CORIN: variants seen among roughly 807,000 people sequenced by gnomAD.
CORIN encodes atrial natriuretic peptide-converting enzyme.
A neutral mutation model predicts 125.3 loss-of-function variants in CORIN; 117 were observed. The ratio of observed to expected loss-of-function variants is 0.93; its 90% CI spans 0.80 to 1.09. The LOEUF is 1.09. Among genes scored for constraint, CORIN ranks in the 50% least tolerant of loss-of-function variants. The pLI is 0.00. For missense variants in CORIN, 1,253 were observed against 1,306.7 expected, an observed-to-expected ratio of 0.96 and a Z score of 0.63; for synonymous variants, 450 against 466.4, an observed-to-expected ratio of 0.96 and a Z score of 0.45.
chr4:47,607,277 G>T (rs752846193), intron 19 of CORIN, among the ~76,000 whole-genome samples: 2 of 151,978 alleles, frequency 1.3e-5, no homozygotes, highest in African/African-American at 2.4e-5. Context: ...GCATGGTGGC[G>T]GGTGCCTGTA....
intron 16 of CORIN, among the ~76,000 whole-genome samples, chr4:47,637,516 C>T (rs1477890204): frequency 6.6e-6 from 1 of 152,192 alleles, no homozygotes; most frequent in African/African-American, 2.4e-5. Context: ...TGTGTGCAGC[C>T]TAGGGACTTG....
rs747322027 is a variant in CORIN at position 47,600,200 on chromosome 4, A to G, written c.2946+14T>C. The G allele has an allele frequency of 3.1e-6, 5 of 1,600,824 alleles. No homozygotes were observed. Among genetic ancestry groups the G allele is most frequent in the Non-Finnish European group, 4.3e-6 (5 of 1,172,026 alleles). On this transcript the variant is annotated intron_variant, in intron 21 of 21. Transcript: ENST00000273857. ...GTTGAACTGAATCTCCTTGGTAACC[A>G]GAAAGCAACTTACCATGCATGAATC...
rs77004224 is a variant in CORIN at position 47,650,447 on chromosome 4, C to T, written c.1843+3106G>A. ...AGTTGCTGCTTGCTTGCATCACAGC[C>T]CAGGTACCACCTGCTCTTGTAGCTG... On this transcript the variant is annotated intron_variant, in intron 13 of 21. Transcript: ENST00000273857. 7.9e-3 allele frequency among the ~76,000 whole-genome samples: 1,198 copies of T among 152,264 alleles called. 10 individuals carry two copies. The highest frequency in any genetic ancestry group is 0.011 in the Non-Finnish European group (716 of 68,028).
intron 7 of CORIN, 187 bp from the exon 8 acceptor site, chr4:47,680,438 C>T (rs1025499919): frequency 1.8e-6 from 1 of 540,876 alleles, no homozygotes; most frequent in African/African-American, 1.9e-5. Flanking sequence ...CACTGACCAC[C>T]ATCACTGTGG....
chr4:47,600,379 G>A, intron 20 of CORIN, 32 bp from the exon 21 acceptor site: 8 of 1,532,668 alleles, frequency 5.2e-6, no homozygotes, highest in Non-Finnish European at 7.1e-6. Flanking sequence ...ATATATATAT[G>A]ATGATAAAAT....
chr4:47,599,199 C>T (rs968768109), intron 21 of CORIN, among the ~76,000 whole-genome samples: 2 of 152,122 alleles, frequency 1.3e-5, no homozygotes. Flanking sequence ...CCACCATCCA[C>T]GTCAGCAGGA....
intron 4 of CORIN, among the ~76,000 whole-genome samples, chr4:47,752,671 T>G (rs1280014032): frequency 2.0e-5 from 3 of 152,190 alleles, no homozygotes; most frequent in African/African-American, 4.8e-5. Context: ...GTGTCCCTCT[T>G]AAAATACAGA....
At position 47,641,981 on chromosome 4, in the gene CORIN, C is replaced by G; in HGVS notation, c.2137G>C (p.Val713Leu). ...ATCTCCTGCCAGCCATCTGCACACA[C>G]ATGGTGTTCTGTGGCAGCTCTGTGA... Reference protein sequence around the residue: ...MVHRAATEHHVCADGWQEILS... With the variant: ...MVHRAATEHHLCADGWQEILS... The change falls in exon 16 of 22, where the codon GTG (valine) becomes CTG (leucine). Residue 713 changes from valine (V) to leucine (L), a missense_variant. Val to Leu is a conservative substitution (Grantham distance 32). Transcript: ENST00000273857. 6.2e-7 allele frequency: 1 copy of G among 1,613,712 alleles called. No individual in the cohort carries two copies. Among genetic ancestry groups the G allele is most frequent in the South Asian group, 1.1e-5 (1 of 91,066 alleles).
At chr4:47,667,798 C>A (rs567507395) in intron 10 of CORIN, among the ~76,000 whole-genome samples, 1 of 152,102 alleles carries the variant, frequency 6.6e-6, no homozygotes, top group Non-Finnish European at 1.5e-5. Flanking sequence ...TGGGGTTGGT[C>A]GGTTCAGTTT....
At chr4:47,781,235 T>C (rs1006377033) in intron 3 of CORIN, among the ~76,000 whole-genome samples, 3 of 152,166 alleles carry the variant, frequency 2.0e-5, no homozygotes, top group Non-Finnish European at 2.9e-5. Context: ...AAAGGATACA[T>C]AAAAATATTC....
intron 5 of CORIN, among the ~76,000 whole-genome samples, chr4:47,722,423 A>G (rs1727390463): frequency 6.6e-6 from 1 of 152,154 alleles, no homozygotes; most frequent in Non-Finnish European, 1.5e-5. Context: ...TCATCTGACA[A>G]AAGAAAGGCA....
At position 47,759,685 on chromosome 4, in the gene CORIN, TTAAGG is replaced by T. The variant is rs1482516044; in HGVS notation, c.617+3689_617+3693del. Among the ~76,000 whole-genome samples, 12 of 152,250 alleles carry T rather than the reference TTAAGG, an allele frequency of 7.9e-5. No individual in the cohort carries two copies. In the East Asian group the frequency reaches 2.1e-3, roughly 27 times the overall value. On this transcript the variant is annotated intron_variant, in intron 4 of 21. Coordinates refer to ENST00000273857, the MANE Select transcript of CORIN (RefSeq NM_006587.4). Reference sequence around the variant, plus strand: ...TCCCACCACTGCTTTATCAAATAAGTTAAGGTAATATTCAAAATCTTTTGTTGTCA... The same window carrying T: ...TCCCACCACTGCTTTATCAAATAAGTTAATATTCAAAATCTTTTGTTGTCA...
intron 6 of CORIN, among the ~76,000 whole-genome samples, chr4:47,690,487 TA>T (rs370941456): frequency 1.1e-4 from 17 of 152,168 alleles, no homozygotes; most frequent in Non-Finnish European, 1.9e-4. Context: ...TGAACCTGAC[TA>T]AAAAGGAAAT....
At chr4:47,608,831 A>G (rs1410646487) in intron 19 of CORIN, among the ~76,000 whole-genome samples, 3 of 152,276 alleles carry the variant, frequency 2.0e-5, no homozygotes, top group African/African-American at 7.2e-5. Context: ...GGAGGCAAAA[A>G]TCAGTCTCTT....
At chr4:47,787,030 C>A in intron 2 of CORIN, 105 bp from the exon 3 acceptor site, 1 of 789,764 alleles carries the variant, frequency 1.3e-6, no homozygotes, top group East Asian at 2.7e-5. Context: ...TTCCCTATGT[C>A]ATTCTAACCA....
Position 47,721,637 on chromosome 4 carries a change from G to A in CORIN, c.799+22765C>T, listed in dbSNP as rs148947441. Among the ~76,000 whole-genome samples the A allele has an allele frequency of 1.0e-3, 159 of 152,180 alleles. 1 individual carries two copies. Among genetic ancestry groups the A allele is most frequent in the African/African-American group, 3.5e-3 (146 of 41,526 alleles). Reference sequence around the variant, plus strand: ...TCTAATACCATCCTCTTGGGGTTACGGTTTCAGCATGTAAATTTGTGGGTG... The same window carrying A: ...TCTAATACCATCCTCTTGGGGTTACAGTTTCAGCATGTAAATTTGTGGGTG... On this transcript the variant is annotated intron_variant, in intron 5 of 21. Transcript: ENST00000273857.
At chr4:47,632,989 C>G (rs922358499) in intron 16 of CORIN, among the ~76,000 whole-genome samples, 1 of 152,034 alleles carries the variant, frequency 6.6e-6, no homozygotes, top group African/African-American at 2.4e-5. Context: ...ATTATGTTGC[C>G]CAGGCTGGTC....
At chr4:47,692,876 G>T in intron 6 of CORIN, 94 bp downstream of exon 6, 1 of 925,284 alleles carries the variant, frequency 1.1e-6, no homozygotes, top group Non-Finnish European at 1.8e-6. Flanking sequence ...GCTTTAGAAA[G>T]GCAAACAAAA....
chr4:47,809,384 GA>G lies in CORIN; in HGVS notation c.64-2338del, dbSNP rs532030165. On this transcript the variant is annotated intron_variant, in intron 1 of 21. Coordinates refer to ENST00000273857, the MANE Select transcript of CORIN (RefSeq NM_006587.4). ...GACCAAATATTTTCTTCAGTGACAA[GA>G]GAATTGATTGCTTTTTTTTTTTTTT... is the stretch of plus-strand genomic sequence containing the variant. Among the ~76,000 whole-genome samples the G allele has an allele frequency of 3.3e-4, 47 of 142,252 alleles. 1 individual carries two copies. In the South Asian group the frequency reaches 4.5e-3, roughly 14 times the overall value. The allele number at this position is 142,252 out of a possible 152,430, so 93.3% of individuals were successfully genotyped here.
Sources: gnomAD v4.1 joint callset for allele counts (sites outside exome capture counted in the v4.1 genomes callset) on GRCh38, gnomAD v4.1.1 for gene constraint, MANE v1.5 for transcripts, NCBI Gene and HGNC (gene_info 2026-07-23, HGNC 2026-07-21) for gene names.